SPATS2: variants seen among roughly 807,000 people sequenced by gnomAD.
SPATS2 encodes the protein spermatogenesis associated serine rich 2.
SPATS2 carries 38 observed loss-of-function variants against 63.7 expected under a neutral mutation model. The ratio of observed to expected loss-of-function variants is 0.60; its 90% CI spans 0.46 to 0.78. The LOEUF (loss-of-function observed/expected upper bound fraction) is 0.78. Ranked by LOEUF, SPATS2 falls within the 30% of genes least tolerant of loss-of-function variation. The pLI is 0.00. For missense variants in SPATS2, 588 were observed against 666.2 expected (o/e 0.88, Z 1.29); for synonymous variants, 207 against 232.9 (o/e 0.89, Z 1.01).
intron 2 of SPATS2, among the ~76,000 whole-genome samples, chr12:49,408,338 C>T (rs1208501915): frequency 7.3e-5 from 11 of 151,498 alleles, no homozygotes; most frequent in Admixed American, 6.6e-5. Flanking sequence ...CTGCAACCTC[C>T]GTCTCCTGGG....
intron 2 of SPATS2, among the ~76,000 whole-genome samples, chr12:49,397,147 T>C (rs1218007816): frequency 6.6e-6 from 1 of 152,184 alleles, no homozygotes; most frequent in East Asian, 1.9e-4. Context: ...CTCTTATCAT[T>C]ACCTTCTCAT....
chr12:49,498,232 A>G (rs1197805261), intron 8 of SPATS2, among the ~76,000 whole-genome samples: 2 of 150,530 alleles, frequency 1.3e-5, no homozygotes, highest in African/African-American at 4.9e-5. Flanking sequence ...GAGATGAGGA[A>G]GAATTTAAAT....
chr12:49,454,425 A>G (rs1945682148), intron 2 of SPATS2: 1 of 152,222 alleles, frequency 6.6e-6, no homozygotes, highest in South Asian at 2.1e-4. Context: ...AATACATTCA[A>G]CTAATGTGGG....
At chr12:49,422,945 C>A (rs12301632) in intron 2 of SPATS2, among the ~76,000 whole-genome samples, 44,732 of 151,652 alleles carry the variant, frequency 0.29, 8,877 homozygotes, top group African/African-American at 0.57. Context: ...TTGACTGTGA[C>A]TATGTGAATG....
intron 6 of SPATS2, among the ~76,000 whole-genome samples, chr12:49,493,259 G>A (rs2137896590): frequency 6.6e-6 from 1 of 152,278 alleles, no homozygotes; most frequent in African/African-American, 2.4e-5. Context: ...AGAATTAGGT[G>A]TTGCCAGTGG....
At chr12:49,394,339 CAAAA>C (rs35693643) in intron 2 of SPATS2, among the ~76,000 whole-genome samples, 2 of 82,020 alleles carry the variant, frequency 2.4e-5, no homozygotes. Flanking sequence ...ACCTTGTCTC[CAAAA>C]AAAAAAAAAA....
At chr12:49,395,443 GA>G (rs1944492214) in intron 2 of SPATS2, among the ~76,000 whole-genome samples, 1 of 113,514 alleles carries the variant, frequency 8.8e-6, no homozygotes, top group Non-Finnish European at 1.8e-5. Context: ...TTTTTTTTTT[GA>G]GACAGAATCT....
rs1396041389 is a variant in SPATS2 at position 49,412,830 on chromosome 12, A to G, written c.-244+41540A>G. On this transcript the variant is annotated intron_variant, in intron 2 of 13. Coordinates refer to ENST00000552918, the MANE Select transcript of SPATS2 (RefSeq NM_023071.4). Reference sequence around the variant, plus strand: ...AGATTCAAATAATATTTAAAGTTAGATTGGCATAAATCTTGAAACTTCTAA... The same window carrying G: ...AGATTCAAATAATATTTAAAGTTAGGTTGGCATAAATCTTGAAACTTCTAA... Among the ~76,000 whole-genome samples the G allele has an allele frequency of 3.3e-5, 5 of 152,286 alleles. No homozygotes were observed. In the East Asian group the frequency reaches 7.7e-4, roughly 23 times the overall value.
chr12:49,500,970 C>T (rs1946558001), intron 9 of SPATS2, among the ~76,000 whole-genome samples: 2 of 151,762 alleles, frequency 1.3e-5, no homozygotes, highest in South Asian at 2.1e-4. Context: ...TTTTTTGAGA[C>T]AGGGTCTTAC....
chr12:49,484,469 A>T, intron 3 of SPATS2, 121 bp from the exon 4 acceptor site: 1 of 840,386 alleles, frequency 1.2e-6, no homozygotes, highest in Non-Finnish European at 1.9e-6. Context: ...GAATTTGCCA[A>T]ATAGCAACTA....
chr12:49,509,226 G>GAA (rs542982048), intron 9 of SPATS2, among the ~76,000 whole-genome samples: 30 of 149,430 alleles, frequency 2.0e-4, no homozygotes, highest in Middle Eastern at 3.5e-3. Flanking sequence ...TTACTCCATT[G>GAA]AAAGCCTGTC....
chr12:49,459,005 T>C (rs943580176), intron 2 of SPATS2, among the ~76,000 whole-genome samples: 1 of 152,156 alleles, frequency 6.6e-6, no homozygotes, highest in Non-Finnish European at 1.5e-5. Flanking sequence ...ATCTAAGTAC[T>C]GGCAGCTGGC....
chr12:49,422,568 T>G (rs1298630035), intron 2 of SPATS2, among the ~76,000 whole-genome samples: 2 of 152,200 alleles, frequency 1.3e-5, no homozygotes, highest in African/African-American at 4.8e-5. Flanking sequence ...GCATATAAAA[T>G]TGCATTATTA....
chr12:49,367,336 CGAGGGTCGGGGT>C (rs1943915317), upstream of SPATS2: 1 of 386,078 alleles, frequency 2.6e-6, no homozygotes, highest in South Asian at 1.3e-4. Flanking sequence ...GCTGCCTGGG[CGAGGGTCGGGGT>C]GATCTGCTGG....
At chr12:49,519,981 ATTT>A (rs747590338) in intron 11 of SPATS2, among the ~76,000 whole-genome samples, 2 of 138,498 alleles carry the variant, frequency 1.4e-5, no homozygotes, top group South Asian at 2.3e-4. Flanking sequence ...CGCCTGGCTA[ATTT>A]TTTTTTTTTT....
chr12:49,519,897 C>T (rs949470650), intron 11 of SPATS2, among the ~76,000 whole-genome samples: 1 of 151,908 alleles, frequency 6.6e-6, no homozygotes, highest in Admixed American at 6.6e-5. Flanking sequence ...TCACTGCATC[C>T]TCCACCTCCT....
At chr12:49,440,110 A>G (rs1945390814) in intron 2 of SPATS2, among the ~76,000 whole-genome samples, 2 of 152,184 alleles carry the variant, frequency 1.3e-5, no homozygotes, top group Non-Finnish European at 2.9e-5. Flanking sequence ...TTGCTTTATC[A>G]TTATTTCTCT....
chr12:49,471,800 A>G (rs1290126823), intron 3 of SPATS2, among the ~76,000 whole-genome samples: 1 of 152,084 alleles, frequency 6.6e-6, no homozygotes, highest in Non-Finnish European at 1.5e-5. Context: ...GTTGTTGGCA[A>G]CCACCATTCT....
At chr12:49,442,786 T>A (rs7314587) in intron 2 of SPATS2, 3,785 of 26,950 alleles carry the variant, frequency 0.14, 384 homozygotes, top group Middle Eastern at 0.24. Flanking sequence ...CATGTCTCCT[T>A]AAAAAAAAAA....
Sources: gnomAD v4.1 joint callset for allele counts (sites outside exome capture counted in the v4.1 genomes callset) on GRCh38, gnomAD v4.1.1 for gene constraint, MANE v1.5 for transcripts, NCBI Gene and HGNC (gene_info 2026-07-23, HGNC 2026-07-21) for gene names.